The following FNDC3B variants were observed in gnomAD, a reference collection of about 807,000 sequenced individuals.
The protein encoded by FNDC3B is fibronectin type III domain-containing protein 3B.
FNDC3B carries 12 observed loss-of-function variants against 151.5 expected under a neutral mutation model. The ratio of observed to expected loss-of-function variants is 0.08; its 90% confidence interval spans 0.05 to 0.13. FNDC3B has a LOEUF of 0.13. FNDC3B is among the 10% of genes least tolerant of loss of function. FNDC3B has a pLI of 1.00. For synonymous variants in FNDC3B, 528 were observed against 549.0 expected (o/e 0.96, Z 0.54); for missense variants, 1,214 against 1,505.3 (o/e 0.81, Z 3.20).
chr3:172,390,895 G>A (rs1045830019), intron 25 of FNDC3B, among the ~76,000 whole-genome samples: 6 of 152,266 alleles, frequency 3.9e-5, no homozygotes, highest in East Asian at 1.9e-4. Flanking sequence ...AGCAGGAGCC[G>A]TGGTGGGATG....
At chr3:172,148,216 A>G (rs186772296) in intron 3 of FNDC3B, among the ~76,000 whole-genome samples, 80 of 152,276 alleles carry the variant, frequency 5.3e-4, no homozygotes, top group Non-Finnish European at 3.4e-4. Flanking sequence ...AATGAATAAT[A>G]TTATGTAGTA....
chr3:172,196,393 C>G (rs1245489836), intron 3 of FNDC3B, among the ~76,000 whole-genome samples: 11 of 151,996 alleles, frequency 7.2e-5, no homozygotes, highest in Admixed American at 7.2e-4. Context: ...TGCTCTGTTG[C>G]CTAGGCTGGT....
At chr3:172,152,741 AAAT>A (rs1184955030) in intron 3 of FNDC3B, among the ~76,000 whole-genome samples, 1 of 152,056 alleles carries the variant, frequency 6.6e-6, no homozygotes. Flanking sequence ...CCCCTGTTTG[AAAT>A]TTGCAACAAA....
intron 8 of FNDC3B, among the ~76,000 whole-genome samples, chr3:172,297,629 C>T (rs1730688876): frequency 6.6e-6 from 1 of 152,156 alleles, no homozygotes; most frequent in Non-Finnish European, 1.5e-5. Context: ...TGCCCGCCAC[C>T]ACGCCCGGCT....
chr3:172,374,749 A>G (rs1387313243), intron 23 of FNDC3B, among the ~76,000 whole-genome samples: 1 of 152,152 alleles, frequency 6.6e-6, no homozygotes, highest in Non-Finnish European at 1.5e-5. Flanking sequence ...GGTTGGTTCC[A>G]TCATTTCACT....
At chr3:172,309,530 T>C (rs1184553594) in intron 10 of FNDC3B, among the ~76,000 whole-genome samples, 1 of 151,982 alleles carries the variant, frequency 6.6e-6, no homozygotes, top group Non-Finnish European at 1.5e-5. Flanking sequence ...TGCATCACTA[T>C]CCTCTCCTCC....
At chr3:172,139,679 T>C (rs1358176293) in intron 3 of FNDC3B, among the ~76,000 whole-genome samples, 1 of 152,196 alleles carries the variant, frequency 6.6e-6, no homozygotes, top group Non-Finnish European at 1.5e-5. Flanking sequence ...TAAATGGAAA[T>C]GTTTCTTCCT....
At chr3:172,066,021 A>C (rs1488057812) in intron 1 of FNDC3B, among the ~76,000 whole-genome samples, 2 of 152,224 alleles carry the variant, frequency 1.3e-5, no homozygotes, top group Non-Finnish European at 2.9e-5. Flanking sequence ...CAAAGGATGC[A>C]TGAAGGCTTG....
At chr3:172,068,342 TCCTCAGACA>T (rs1717606288) in intron 1 of FNDC3B, among the ~76,000 whole-genome samples, 2 of 152,186 alleles carry the variant, frequency 1.3e-5, no homozygotes, top group Non-Finnish European at 2.9e-5. Flanking sequence ...TCCCTCTGTT[TCCTCAGACA>T]TTTTACTTGA....
intron 3 of FNDC3B, among the ~76,000 whole-genome samples, chr3:172,147,593 T>C (rs902946626): frequency 2.0e-5 from 3 of 152,182 alleles, no homozygotes; most frequent in Admixed American, 6.5e-5. Context: ...GTCTCGGTTC[T>C]CAAAATGTAG....
chr3:172,098,504 G>A (rs749940481), intron 1 of FNDC3B, among the ~76,000 whole-genome samples: 1 of 152,120 alleles, frequency 6.6e-6, no homozygotes, highest in African/African-American at 2.4e-5. Flanking sequence ...AGGAATCAGT[G>A]GAGTTATGAA....
chr3:172,378,239 GA>G (rs1560107204), intron 23 of FNDC3B, 30 bp from the exon 24 acceptor site: 1 of 1,545,036 alleles, frequency 6.5e-7, no homozygotes, highest in East Asian at 2.3e-5. Flanking sequence ...TAGACGTTCA[GA>G]TGGCTAATTG....
chr3:172,371,384 T>G (rs35197233), intron 23 of FNDC3B, among the ~76,000 whole-genome samples: 17,150 of 152,222 alleles, frequency 0.11, 1,148 homozygotes, highest in African/African-American at 0.19. Context: ...TCCACAGATA[T>G]GGAACCTAGG....
At chr3:172,217,237 A>G (rs1440625459) in intron 3 of FNDC3B, among the ~76,000 whole-genome samples, 2 of 152,230 alleles carry the variant, frequency 1.3e-5, no homozygotes, top group Non-Finnish European at 2.9e-5. Flanking sequence ...GTTGAAGGTT[A>G]TATTACAAGC....
chr3:172,393,969 G>A (rs1240047552), intron 25 of FNDC3B, among the ~76,000 whole-genome samples: 6 of 151,648 alleles, frequency 4.0e-5, no homozygotes, highest in South Asian at 4.2e-4. Flanking sequence ...TTAGCTGGGT[G>A]TGGTGACGGG....
intron 7 of FNDC3B, among the ~76,000 whole-genome samples, chr3:172,289,665 C>A (rs1730218781): frequency 1.3e-5 from 2 of 152,176 alleles, no homozygotes. Flanking sequence ...CATAGTGACC[C>A]CTTAATAGAT....
chr3:172,090,385 A>C (rs961782922), intron 1 of FNDC3B, among the ~76,000 whole-genome samples: 1 of 152,010 alleles, frequency 6.6e-6, no homozygotes, highest in Non-Finnish European at 1.5e-5. Context: ...AGTCAATTGG[A>C]GTGGGCATGT....
At chr3:172,048,757 C>G (rs1434014114) in intron 1 of FNDC3B, among the ~76,000 whole-genome samples, 1 of 152,026 alleles carries the variant, frequency 6.6e-6, no homozygotes, top group Non-Finnish European at 1.5e-5. Context: ...TATTTTGGTA[C>G]AGTGGAATAT....
At chr3:172,149,940 T>C (rs1160201425) in intron 3 of FNDC3B, among the ~76,000 whole-genome samples, 2 of 148,520 alleles carry the variant, frequency 1.3e-5, no homozygotes, top group South Asian at 2.2e-4. Context: ...AGCCTCAGCC[T>C]CTCGAGTAGC....
Sources: allele counts gnomAD v4.1 joint callset (sites outside exome capture counted in the v4.1 genomes callset), GRCh38; gene constraint gnomAD v4.1.1; transcripts MANE v1.5; gene names NCBI Gene and HGNC (gene_info 2026-07-23, HGNC 2026-07-21).